Variants in CDH5 observed in about 807,000 individuals in gnomAD.
CDH5 encodes the protein cadherin 5, also known as cadherin-5.
CDH5 carries 28 observed loss-of-function variants against 62.0 expected under a neutral mutation model. The observed-to-expected ratio is 0.45, with a 90% confidence interval of 0.33 to 0.62. CDH5 has a LOEUF of 0.62. Among genes scored for constraint, CDH5 ranks in the 20% least tolerant of loss-of-function variants. The probability of loss-of-function intolerance (pLI) is 0.02; values close to 1 mark genes in which losing one functional copy is unlikely to be tolerated. For synonymous variants in CDH5, 464 were observed against 445.8 expected, an observed-to-expected ratio of 1.04 and a Z score of -0.52; for missense variants, 940 against 1,065.1, an observed-to-expected ratio of 0.88 and a Z score of 1.63.
chr16:66,386,703 A>T, intron 2 of CDH5, 106 bp from the exon 3 acceptor site: 1 of 984,296 alleles, frequency 1.0e-6, no homozygotes, highest in Non-Finnish European at 1.5e-6. Flanking sequence ...CACACACACC[A>T]CATACACACA....
chr16:66,399,189 G>A (rs542376750), intron 10 of CDH5, among the ~76,000 whole-genome samples: 6 of 152,300 alleles, frequency 3.9e-5, no homozygotes, highest in African/African-American at 7.2e-5. Flanking sequence ...GATTACTCAC[G>A]ATTAGCAGGG....
chr16:66,377,609 A>C (rs532697335), intron 1 of CDH5: 31 of 152,442 alleles, frequency 2.0e-4, no homozygotes, highest in African/African-American at 7.5e-4. Context: ...GACAGGGGAC[A>C]GTCAAGGGAG....
At chr16:66,380,326 G>T (rs1478128160) in intron 2 of CDH5, among the ~76,000 whole-genome samples, 1 of 150,016 alleles carries the variant, frequency 6.7e-6, no homozygotes, top group Non-Finnish European at 1.5e-5. Context: ...TGATAAAGGG[G>T]TAGGTGGTGA....
At chr16:66,369,897 A>G (rs1048584714) in intron 1 of CDH5, among the ~76,000 whole-genome samples, 5 of 152,216 alleles carry the variant, frequency 3.3e-5, no homozygotes, top group African/African-American at 1.2e-4. Flanking sequence ...GGAAAGGGGC[A>G]TGTGGCAAGC....
intron 11 of CDH5, among the ~76,000 whole-genome samples, 186 bp from the exon 12 acceptor site, chr16:66,402,466 C>T (rs988001249): frequency 5.9e-5 from 5 of 85,296 alleles, no homozygotes; most frequent in Non-Finnish European, 6.9e-5. Context: ...GGGGGAACGG[C>T]GGGGATGGGG....
chr16:66,393,552 C>T (rs1276582537), intron 7 of CDH5, among the ~76,000 whole-genome samples: 1 of 152,168 alleles, frequency 6.6e-6, no homozygotes, highest in African/African-American at 2.4e-5. Flanking sequence ...GGGGATGGAG[C>T]TAACCCATTC....
chr16:66,372,501 A>G (rs747753481), intron 1 of CDH5, among the ~76,000 whole-genome samples: 3 of 152,186 alleles, frequency 2.0e-5, no homozygotes, highest in Non-Finnish European at 4.4e-5. Context: ...GGCCGGAGCT[A>G]TGCCTGGAGG....
intron 10 of CDH5, 128 bp from the exon 11 acceptor site, chr16:66,400,643 T>G: frequency 9.4e-7 from 1 of 1,067,020 alleles, no homozygotes. Flanking sequence ...AGGCGCTGGG[T>G]GCAAAGGGCA....
At chr16:66,387,145 T>C in intron 3 of CDH5, 48 bp downstream of exon 3, 1 of 1,556,838 alleles carries the variant, frequency 6.4e-7, no homozygotes, top group Non-Finnish European at 8.7e-7. Context: ...ATCCCCAGCC[T>C]GGGGGCACCT....
intron 1 of CDH5, among the ~76,000 whole-genome samples, chr16:66,372,895 C>T (rs1960718327): frequency 6.6e-6 from 1 of 152,218 alleles, no homozygotes; most frequent in South Asian, 2.1e-4. Flanking sequence ...AGGGCCCATC[C>T]TCCTCCATTT....
At chr16:66,400,186 G>A (rs1245626936) in intron 10 of CDH5, among the ~76,000 whole-genome samples, 1 of 152,182 alleles carries the variant, frequency 6.6e-6, no homozygotes, top group African/African-American at 2.4e-5. Context: ...GAAGGTGGGC[G>A]GGGCCAATAT....
intron 2 of CDH5, among the ~76,000 whole-genome samples, chr16:66,380,417 G>A (rs972297297): frequency 8.7e-5 from 13 of 149,896 alleles, no homozygotes; most frequent in African/African-American, 2.5e-4. Context: ...GCTGATAAAG[G>A]GTAGGTGGTC....
intron 6 of CDH5, among the ~76,000 whole-genome samples, chr16:66,391,634 G>T (rs559881603): frequency 1.3e-5 from 2 of 152,110 alleles, no homozygotes; most frequent in Non-Finnish European, 2.9e-5. Flanking sequence ...TTAGCTGGGC[G>T]TGGTGGCAGG....
Position 66,387,024 on chromosome 16 carries a change from T to C in CDH5, c.426T>C (p.His142=). ...ETPSSFTIKV[H]DVNDNWPVFT... ...CTTCCAGCTTCACCATCAAAGTTCA[T>C]GACGTGAACGACAACTGGCCTGTGT... Residue 142 remains histidine (H), a synonymous_variant, in exon 3 of 12, where the codon CAT becomes CAC. Coordinates refer to ENST00000341529, the MANE Select transcript of CDH5 (RefSeq NM_001795.5). 2 of 1,614,194 alleles carry C rather than the reference T, an allele frequency of 1.2e-6. No homozygotes were observed. Among genetic ancestry groups the C allele is most frequent in the Non-Finnish European group, 8.5e-7 (1 of 1,180,034 alleles).
intron 1 of CDH5, among the ~76,000 whole-genome samples, chr16:66,368,038 G>A (rs1960619031): frequency 6.6e-6 from 1 of 152,184 alleles, no homozygotes; most frequent in African/African-American, 2.4e-5. Flanking sequence ...GAGGAAGGGG[G>A]TGCAAGTGAG....
At chr16:66,368,688 A>T (rs1960631310) in intron 1 of CDH5, among the ~76,000 whole-genome samples, 1 of 152,214 alleles carries the variant, frequency 6.6e-6, no homozygotes, top group Admixed American at 6.5e-5. Context: ...AGATGGGACC[A>T]TCGAGGCTGA....
intron 1 of CDH5, 171 bp from the exon 2 acceptor site, chr16:66,379,147 CG>C (rs3837775): frequency 0.44 from 259,410 of 591,306 alleles, 58,905 homozygotes; most frequent in Admixed American, 0.6. Flanking sequence ...ACCTTTCATC[CG>C]AGTGCATGAC....
At chr16:66,379,597 G>A (rs956378162) in intron 2 of CDH5, 50 bp downstream of exon 2, 9 of 1,525,134 alleles carry the variant, frequency 5.9e-6, no homozygotes, top group Admixed American at 1.7e-5. Flanking sequence ...CTGGCCCATA[G>A]TGACAAGTGG....
At chr16:66,388,303 C>T (rs1429773998) in intron 3 of CDH5, 21 bp from the exon 4 acceptor site, 63 of 1,536,140 alleles carry the variant, frequency 4.1e-5, no homozygotes, top group Non-Finnish European at 5.5e-5. Context: ...AGTCAGCAAC[C>T]CCAGGATTCT....
Sources: allele counts gnomAD v4.1 joint callset (sites outside exome capture counted in the v4.1 genomes callset), GRCh38; gene constraint gnomAD v4.1.1; transcripts MANE v1.5; gene names NCBI Gene and HGNC (gene_info 2026-07-23, HGNC 2026-07-21).